VTI1A: variants seen among roughly 807,000 people sequenced by gnomAD.
VTI1A encodes the protein vesicle transport through interaction with t-SNAREs homolog 1A.
Under a neutral mutation model 34.9 loss-of-function variants are expected in VTI1A, and 22 were observed. The ratio of observed to expected loss-of-function variants is 0.63; its 90% CI spans 0.45 to 0.90. The LOEUF (loss-of-function observed/expected upper bound fraction) is 0.90. VTI1A is among the 40% of genes least tolerant of loss of function. The pLI is 0.00. For missense variants in VTI1A, 268 were observed against 275.6 expected (o/e 0.97, Z 0.20); for synonymous variants, 87 against 97.3 (o/e 0.89, Z 0.62).
At chr10:112,838,160 G>A in the VTI1A span, among the ~76,000 whole-genome samples, 1 of 152,246 alleles carries the variant, frequency 6.6e-6, no homozygotes, top group African/African-American at 2.4e-5. Context: ...GACCCCAAGA[G>A]GGCTGGGGCC....
At chr10:112,533,444 T>G in intron 4 of VTI1A, 1 of 856,730 alleles carries the variant, frequency 1.2e-6, no homozygotes, top group Non-Finnish European at 1.4e-6. Flanking sequence ...ATTGTCAATG[T>G]TAATTCTGTA....
At chr10:112,666,409 A>G (rs1847640612) in intron 5 of VTI1A, among the ~76,000 whole-genome samples, 1 of 152,172 alleles carries the variant, frequency 6.6e-6, no homozygotes, top group African/African-American at 2.4e-5. Context: ...TTGAAACACA[A>G]ATTCTTCTGT....
intron 3 of VTI1A, among the ~76,000 whole-genome samples, chr10:112,474,809 G>A (rs577654268): frequency 1.8e-4 from 28 of 152,304 alleles, no homozygotes; most frequent in African/African-American, 6.7e-4. Flanking sequence ...TCTGCTAGGT[G>A]AAATTGTTAG....
chr10:112,707,523 A>T (rs1365157071), intron 7 of VTI1A, among the ~76,000 whole-genome samples: 1 of 152,030 alleles, frequency 6.6e-6, no homozygotes, highest in Non-Finnish European at 1.5e-5. Context: ...TAGTAGAGAC[A>T]GGGTTTCACC....
rs1175262091 is a variant in VTI1A, at chr10:112,687,770, CAGA to C, written c.560+18778_560+18780del. Among the ~76,000 whole-genome samples, 11 of 152,026 alleles carry C rather than the reference CAGA, an allele frequency of 7.2e-5. No individual in the cohort carries two copies. The East Asian group carries it at 7.8e-4, about 11-fold the overall frequency. ...AATAGAGATACAAAACAGCCAGCCTCAGAAGAAGGAGGGGCTGATTTCATCAGC... is the reference window on the plus strand; with the variant it reads ...AATAGAGATACAAAACAGCCAGCCTCAGAAGGAGGGGCTGATTTCATCAGC... On this transcript the variant is annotated intron_variant, in intron 7 of 7. Coordinates refer to ENST00000393077, the MANE Select transcript of VTI1A (RefSeq NM_145206.4).
rs9804259 is a variant in VTI1A at position 112,468,804 on chromosome 10, A to G, written c.264+4147A>G. On this transcript the variant is annotated intron_variant, in intron 3 of 7. Coordinates refer to ENST00000393077, the MANE Select transcript of VTI1A (RefSeq NM_145206.4). The stretch of plus-strand genomic sequence containing the variant: ...GTTTATATTTCTTACTATTTATCCC[A>G]GAGTCTTTTAAACACACTCAGATTC... Among the ~76,000 whole-genome samples the G allele has an allele frequency of 7.2e-3, 1,101 of 152,248 alleles. 14 individuals are homozygous for G. Among genetic ancestry groups the G allele is most frequent in the African/African-American group, 0.025 (1,054 of 41,540 alleles).
intron 5 of VTI1A, among the ~76,000 whole-genome samples, chr10:112,564,959 C>G (rs2134343534): frequency 6.6e-6 from 1 of 151,994 alleles, no homozygotes; most frequent in East Asian, 1.9e-4. Flanking sequence ...GTATATTTAC[C>G]TCATTGAATG....
chr10:112,586,275 G>C (rs956034820), intron 5 of VTI1A, among the ~76,000 whole-genome samples: 5 of 151,968 alleles, frequency 3.3e-5, no homozygotes, highest in African/African-American at 1.2e-4. Flanking sequence ...ATTTATTCTG[G>C]ACCTTTTGTA....
At chr10:112,573,883 T>C (rs939176077) in intron 5 of VTI1A, among the ~76,000 whole-genome samples, 1 of 152,216 alleles carries the variant, frequency 6.6e-6, no homozygotes, top group Non-Finnish European at 1.5e-5. Context: ...TTTGAAAATA[T>C]ATTAAGACTA....
chr10:112,599,761 G>T (rs560078396), intron 5 of VTI1A, among the ~76,000 whole-genome samples: 1 of 152,064 alleles, frequency 6.6e-6, no homozygotes, highest in Admixed American at 6.5e-5. Flanking sequence ...TAAATTTTTT[G>T]TCAAGACAGG....
chr10:112,641,476 A>T (rs1427142555), intron 5 of VTI1A, among the ~76,000 whole-genome samples: 1 of 152,132 alleles, frequency 6.6e-6, no homozygotes, highest in Non-Finnish European at 1.5e-5. Context: ...CCAGGTGATG[A>T]TGTGCATGAC....
chr10:112,628,282 T>C (rs1202229975), intron 5 of VTI1A, among the ~76,000 whole-genome samples: 1 of 152,210 alleles, frequency 6.6e-6, no homozygotes, highest in African/African-American at 2.4e-5. Context: ...TGAAATCTTA[T>C]GGACTGGAAT....
intron 5 of VTI1A, among the ~76,000 whole-genome samples, chr10:112,661,938 AT>A (rs1333545240): frequency 6.6e-6 from 1 of 151,606 alleles, no homozygotes; most frequent in African/African-American, 2.4e-5. Flanking sequence ...CACCCAGCTA[AT>A]TTTTGCATTT....
rs1339549885 is a variant in VTI1A, at chr10:112,527,251, G to A, written c.342+87G>A. ...CTGGGCTCTCAAGCTGCTCCTTAAC[G>A]GTATTAGCAGCAACTCATGTGGAAG... On this transcript the variant is annotated intron_variant, in intron 4 of 7. Transcript: ENST00000393077. The A allele has an allele frequency of 1.2e-5, 13 of 1,123,782 alleles. No individual in the cohort carries two copies. In the East Asian group the frequency reaches 1.7e-4, roughly 15 times the overall value. The allele number at this position is 1,123,782 out of a possible 1,614,324, so 69.6% of individuals were successfully genotyped here.
At chr10:112,532,369 A>G (rs1436907298) in intron 4 of VTI1A, among the ~76,000 whole-genome samples, 1 of 152,204 alleles carries the variant, frequency 6.6e-6, no homozygotes, top group Non-Finnish European at 1.5e-5. Context: ...GATGTTTAAA[A>G]ATTATCAGTC....
At position 112,589,062 on chromosome 10, in the gene VTI1A, T is replaced by C. The variant is rs138355200; in HGVS notation, c.427+50732T>C. ...TTTTAACTTACAGTGAATGTACAAA[T>C]GTCGAAGATGTTAGCTGGTAAAAGA... is the stretch of plus-strand genomic sequence containing the variant. On this transcript the variant is annotated intron_variant, in intron 5 of 7. Coordinates refer to ENST00000393077, the MANE Select transcript of VTI1A (RefSeq NM_145206.4). Among the ~76,000 whole-genome samples the C allele has an allele frequency of 2.4e-3, 358 of 150,726 alleles. 1 individual carries two copies. Among genetic ancestry groups the C allele is most frequent in the African/African-American group, 8.2e-3 (338 of 41,006 alleles).
At chr10:112,803,108 GC>G (rs1852933486) in intron 7 of VTI1A, among the ~76,000 whole-genome samples, 1 of 152,034 alleles carries the variant, frequency 6.6e-6, no homozygotes, top group African/African-American at 2.4e-5. Flanking sequence ...CGCTCTTGTT[GC>G]CCAGGCTGGA....
intron 7 of VTI1A, among the ~76,000 whole-genome samples, chr10:112,670,081 T>C (rs941699652): frequency 1.3e-5 from 2 of 152,036 alleles, no homozygotes; most frequent in African/African-American, 2.4e-5. Flanking sequence ...AAGAGTACTA[T>C]GTAAATGGCC....
At chr10:112,469,202 TTATA>T (rs1166443897) in intron 3 of VTI1A, among the ~76,000 whole-genome samples, 2 of 152,232 alleles carry the variant, frequency 1.3e-5, no homozygotes, top group African/African-American at 4.8e-5. Flanking sequence ...CTCTATGTTG[TTATA>T]AAGCCTAGAT....
Sources: allele counts gnomAD v4.1 joint callset (sites outside exome capture counted in the v4.1 genomes callset), GRCh38; gene constraint gnomAD v4.1.1; transcripts MANE v1.5; gene names NCBI Gene and HGNC (gene_info 2026-07-23, HGNC 2026-07-21).